The following PDE10A variants were observed in gnomAD, a reference collection of about 807,000 sequenced individuals.
PDE10A encodes cAMP and cAMP-inhibited cGMP 3',5'-cyclic phosphodiesterase 10A.
In PDE10A, 39 loss-of-function variants were observed where a neutral mutation model predicts 97.7. The observed-to-expected ratio is 0.40, with a 90% confidence interval of 0.31 to 0.52. PDE10A has a LOEUF of 0.52. Among genes scored for constraint, PDE10A ranks in the 20% least tolerant of loss-of-function variants. The pLI, the probability that PDE10A is intolerant of heterozygous loss-of-function variation, is 0.56. For synonymous variants in PDE10A, 371 were observed against 376.8 expected (o/e 0.98, Z 0.18); for missense variants, 731 against 1,047.8 (o/e 0.70, Z 4.17).
intron 1 of PDE10A, among the ~76,000 whole-genome samples, chr6:165,799,209 C>T (rs930250641): frequency 1.1e-4 from 16 of 152,024 alleles, no homozygotes; most frequent in African/African-American, 2.4e-4. Flanking sequence ...ATCTGGCTTC[C>T]GGAGTGAATG....
intron 1 of PDE10A, among the ~76,000 whole-genome samples, chr6:165,900,124 G>A (rs1209986504): frequency 6.6e-6 from 1 of 152,174 alleles, no homozygotes; most frequent in East Asian, 1.9e-4. Flanking sequence ...GCAGGGAGAT[G>A]TGCTCTCTGT....
intron 1 of PDE10A, among the ~76,000 whole-genome samples, chr6:165,805,424 T>C (rs1779108032): frequency 6.6e-6 from 1 of 151,956 alleles, no homozygotes; most frequent in African/African-American, 2.4e-5. Flanking sequence ...CAAATGAAAG[T>C]CAGTGATGTT....
At chr6:165,389,566 G>C (rs1166993838) in intron 16 of PDE10A, among the ~76,000 whole-genome samples, 1 of 152,204 alleles carries the variant, frequency 6.6e-6, no homozygotes, top group Non-Finnish European at 1.5e-5. Context: ...AGGTGGAATG[G>C]GTTTGAGGAG....
intron 1 of PDE10A, among the ~76,000 whole-genome samples, chr6:165,981,108 C>T (rs1186080253): frequency 1.3e-5 from 2 of 152,036 alleles, no homozygotes; most frequent in African/African-American, 2.4e-5. Flanking sequence ...AGTTGGCAAA[C>T]AGACATATAA....
At position 165,985,579 on chromosome 6, in the gene PDE10A, C is replaced by T. The variant is rs374594210; in HGVS notation, c.-615+1950G>A. Among the ~76,000 whole-genome samples the T allele has an allele frequency of 7.9e-5, 12 of 152,328 alleles. No homozygotes were observed. The South Asian group carries it at 2.5e-3, about 32-fold the overall frequency. On this transcript the variant is annotated intron_variant, in intron 1 of 19. Coordinates refer to the PDE10A transcript ENST00000366882. ...CAGAGGATGAAGATTTCACATGACG[C>T]AGCCCTAAGCATCCCTGGACTGGAG...
At position 165,903,891 on chromosome 6, in the gene PDE10A, A is replaced by G. The variant is rs1003848405; in HGVS notation, c.-615+83638T>C. Among the ~76,000 whole-genome samples the G allele has an allele frequency of 3.9e-5, 6 of 152,314 alleles. No homozygotes were observed. The East Asian group carries it at 1.2e-3, about 29-fold the overall frequency. On this transcript the variant is annotated intron_variant, in intron 1 of 19. Transcript: ENST00000366882. Reference sequence around the variant, plus strand: ...ACCTATGGAAAAGAAGAGGGCATCAAGAAGAGGGCAGAGAAATGGCCAATG... The same window carrying G: ...ACCTATGGAAAAGAAGAGGGCATCAGGAAGAGGGCAGAGAAATGGCCAATG...
intron 2 of PDE10A, among the ~76,000 whole-genome samples, chr6:165,524,641 C>T (rs193143515): frequency 2.7e-4 from 38 of 142,484 alleles, no homozygotes; most frequent in African/African-American, 9.6e-4. Context: ...AGATACAAAG[C>T]CTCAAATCTG....
intron 1 of PDE10A, among the ~76,000 whole-genome samples, chr6:165,596,802 A>C (rs1786625504): frequency 6.6e-6 from 1 of 152,176 alleles, no homozygotes; most frequent in Non-Finnish European, 1.5e-5. Flanking sequence ...CTCAGAGAGC[A>C]GACAAAATCC....
chr6:165,658,934 C>T (rs189770418), intron 1 of PDE10A, among the ~76,000 whole-genome samples: 3 of 152,314 alleles, frequency 2.0e-5, no homozygotes, highest in Non-Finnish European at 2.9e-5. Flanking sequence ...CTAGGGGACT[C>T]TGTCTCTATT....
rs1457086879 is a variant in PDE10A, at chr6:165,917,451, A to C, written c.-615+70078T>G. Among the ~76,000 whole-genome samples the C allele has an allele frequency of 3.9e-5, 6 of 152,076 alleles. No homozygotes were observed. The East Asian group carries it at 9.7e-4, about 25-fold the overall frequency. On this transcript the variant is annotated intron_variant, in intron 1 of 19. Transcript: ENST00000366882. The stretch of plus-strand genomic sequence containing the variant: ...GCAGGGGAAAGAACCAGGGAGATAA[A>C]ATGGTGGGAAAATTGTGCACTCCAG...
At chr6:165,576,367 T>A in intron 1 of PDE10A, 1 of 780,280 alleles carries the variant, frequency 1.3e-6, no homozygotes, top group Non-Finnish European at 2.4e-6. Context: ...TCTATCTGAA[T>A]GTCCCTTCTA....
rs141753033 is a variant in PDE10A, at chr6:165,711,375, C to T, written c.-614-167807G>A. On this transcript the variant is annotated intron_variant, in intron 1 of 19. Coordinates refer to the PDE10A transcript ENST00000366882. The surrounding 1 kb of genome is among the most constrained non-coding windows in gnomAD (Gnocchi z 4.5). Reference sequence around the variant, plus strand: ...GCTGTGGTCTGGATGCCGTGCTGCACGTGCAAACACAGGTCCTAATGCTTG... The same window carrying T: ...GCTGTGGTCTGGATGCCGTGCTGCATGTGCAAACACAGGTCCTAATGCTTG... 6.6e-5 allele frequency among the ~76,000 whole-genome samples: 10 copies of T among 152,240 alleles called. No homozygotes were observed. In the East Asian group the frequency reaches 1.7e-3, roughly 27 times the overall value.
At chr6:165,933,027 G>A (rs1453292788) in intron 1 of PDE10A, among the ~76,000 whole-genome samples, 3 of 152,190 alleles carry the variant, frequency 2.0e-5, no homozygotes, top group Non-Finnish European at 4.4e-5. Context: ...CCTGGTCTGG[G>A]GAGGCTACCA....
chr6:165,938,923 T>G (rs1783425531), intron 1 of PDE10A, among the ~76,000 whole-genome samples: 1 of 152,214 alleles, frequency 6.6e-6, no homozygotes, highest in South Asian at 2.1e-4. Context: ...TGGACATATG[T>G]GCAACAATAT....
intron 1 of PDE10A, among the ~76,000 whole-genome samples, chr6:165,821,034 C>T (rs767564225): frequency 9.9e-5 from 15 of 152,180 alleles, no homozygotes; most frequent in South Asian, 2.1e-4. Flanking sequence ...ATACATTGCA[C>T]GTTGATAAAG....
chr6:165,352,102 C>T (rs1782732007), intron 18 of PDE10A, among the ~76,000 whole-genome samples: 1 of 152,204 alleles, frequency 6.6e-6, no homozygotes, highest in South Asian at 2.1e-4. Flanking sequence ...CATCCACCCA[C>T]CTTGGCCTCC....
chr6:165,536,151 GAAAT>G (rs1386491001), intron 2 of PDE10A, among the ~76,000 whole-genome samples: 4 of 151,882 alleles, frequency 2.6e-5, no homozygotes, highest in Non-Finnish European at 5.9e-5. Flanking sequence ...ACAGATGGCA[GAAAT>G]AAATCCATAT....
At chr6:165,854,108 C>G (rs1234567827) in intron 1 of PDE10A, among the ~76,000 whole-genome samples, 1 of 152,196 alleles carries the variant, frequency 6.6e-6, no homozygotes, top group Non-Finnish European at 1.5e-5. Context: ...CAGGGGGAAG[C>G]CCGTGGGCGG....
At chr6:165,423,156 T>G (rs997408115) in intron 10 of PDE10A, among the ~76,000 whole-genome samples, 1 of 152,170 alleles carries the variant, frequency 6.6e-6, no homozygotes, top group African/African-American at 2.4e-5. Context: ...GAAAGACATA[T>G]TCATGAAAAG....
Sources: allele counts gnomAD v4.1 joint callset (sites outside exome capture counted in the v4.1 genomes callset), GRCh38; gene constraint gnomAD v4.1.1; non-coding constraint Gnocchi (gnomAD v3.1); transcripts MANE v1.5; gene names NCBI Gene and HGNC (gene_info 2026-07-23, HGNC 2026-07-21).